ESRRB: variants seen among roughly 807,000 people sequenced by gnomAD.
The protein encoded by ESRRB is estrogen related receptor beta.
Under a neutral mutation model 46.0 loss-of-function variants are expected in ESRRB, and 16 were observed. That is an observed-to-expected ratio of 0.35 (90% CI 0.24 to 0.53). The LOEUF (loss-of-function observed/expected upper bound fraction) is 0.53, where lower values mean the gene tolerates loss of function less well. Among genes scored for constraint, ESRRB ranks in the 20% least tolerant of loss-of-function variants. The pLI, the probability that ESRRB is intolerant of heterozygous loss-of-function variation, is 0.93. For synonymous variants in ESRRB, 246 were observed against 259.6 expected (o/e 0.95, Z 0.50); for missense variants, 488 against 607.4 (o/e 0.80, Z 2.07).
upstream of ESRRB, among the ~76,000 whole-genome samples, chr14:76,369,918 T>C (rs560047610): frequency 6.6e-6 from 1 of 152,318 alleles, no homozygotes; most frequent in East Asian, 1.9e-4. Context: ...GACATGAAAA[T>C]GGAGGCATAA....
chr14:76,425,763 C>T (rs1158304444), intron 1 of ESRRB, among the ~76,000 whole-genome samples: 1 of 152,112 alleles, frequency 6.6e-6, no homozygotes, highest in Non-Finnish European at 1.5e-5. Flanking sequence ...GGCTGGAGTG[C>T]AGTGGTGTGA....
rs899461042 is a variant in ESRRB at position 76,482,100 on chromosome 14, A to G, written c.662A>G (p.Gln221Arg). The change falls in exon 4 of 7, where the codon CAA becomes CGA. Residue 221 changes from glutamine to arginine, a missense_variant. Gln to Arg is a conservative substitution (Grantham distance 43). Coordinates refer to ENST00000644823, the MANE Select transcript of ESRRB (RefSeq NM_001379180.1). This position sits in a 1 kb window ranked among gnomAD's most constrained non-coding sequence, Gnocchi z 4.3. ...GAGAGCAGCCCATACCTGAGCTTAC[A>G]AATTTCTCCACCTGCTAAAAAGCCA... is the stretch of plus-strand genomic sequence containing the variant. Reference protein sequence around the residue: ...DSESSPYLSLQISPPAKKPLT... With the variant: ...DSESSPYLSLRISPPAKKPLT... The G allele has an allele frequency of 6.2e-7, 1 of 1,614,174 alleles. No individual in the cohort carries two copies. Among genetic ancestry groups the G allele is most frequent in the Non-Finnish European group, 8.5e-7 (1 of 1,180,010 alleles).
rs372713430 is a variant in ESRRB, at chr14:76,358,936, G to A, written c.2+48020G>A. Among the ~76,000 whole-genome samples, 79 of 152,262 alleles carry A rather than the reference G, an allele frequency of 5.2e-4. 2 individuals carry two copies. The South Asian group carries it at 0.016, about 30-fold the overall frequency. On this transcript the variant is annotated intron_variant, in intron 1 of 6. Coordinates refer to the ESRRB transcript ENST00000512784. ...AAACACAGATTGCTGGTCCCCACCC[G>A]GCAAGTCTGTGGTGGGACCCGAGAA...
rs570161346 is a variant in ESRRB at position 76,396,858 on chromosome 14, C to T, written c.50+20407C>T. 2.0e-5 allele frequency among the ~76,000 whole-genome samples: 3 copies of T among 152,340 alleles called. No homozygotes were observed. The South Asian group carries it at 6.2e-4, about 32-fold the overall frequency. The stretch of plus-strand genomic sequence containing the variant: ...CTGGGTTGGCAAGGGTTGGCCTCAC[C>T]ACTAGATTCTCTCTCCACTTCACGC... On this transcript the variant is annotated intron_variant, in intron 1 of 6. Transcript: ENST00000644823.
intron 5 of ESRRB, among the ~76,000 whole-genome samples, chr14:76,486,208 G>A (rs973086582): frequency 5.3e-5 from 8 of 152,180 alleles, no homozygotes; most frequent in Non-Finnish European, 1.2e-4. Context: ...ATGAATTGCA[G>A]CCTCCTCCAA....
upstream of ESRRB, among the ~76,000 whole-genome samples, chr14:76,374,641 A>G (rs1884702312): frequency 6.6e-6 from 1 of 152,148 alleles, no homozygotes; most frequent in Non-Finnish European, 1.5e-5. Context: ...GTGAGAGATG[A>G]TGGTCATATA....
intron 2 of ESRRB, among the ~76,000 whole-genome samples, 185 bp downstream of exon 2, chr14:76,439,935 CTGT>C (rs1887848843): frequency 1.3e-5 from 2 of 152,152 alleles, no homozygotes; most frequent in South Asian, 2.1e-4. Flanking sequence ...AGCTGCAAGA[CTGT>C]TGTTGAGATG....
intron 2 of ESRRB, among the ~76,000 whole-genome samples, chr14:76,441,893 C>T (rs1054693440): frequency 6.6e-6 from 1 of 152,228 alleles, no homozygotes; most frequent in Non-Finnish European, 1.5e-5. Context: ...CCAGAATGTA[C>T]CTACCCCATT....
intron 1 of ESRRB, among the ~76,000 whole-genome samples, chr14:76,353,273 C>T (rs991101860): frequency 1.3e-5 from 2 of 152,210 alleles, no homozygotes; most frequent in Non-Finnish European, 2.9e-5. Context: ...AGCTAGGAGA[C>T]AGCTGTTTTT....
At chr14:76,395,842 T>TA (rs1186869448) in intron 1 of ESRRB, among the ~76,000 whole-genome samples, 1 of 113,846 alleles carries the variant, frequency 8.8e-6, no homozygotes, top group East Asian at 3.0e-4. Flanking sequence ...ACTTGGTACT[T>TA]GGGGTGGGGG....
At chr14:76,485,825 AGTG>A (rs964045286) in intron 5 of ESRRB, among the ~76,000 whole-genome samples, 1 of 152,214 alleles carries the variant, frequency 6.6e-6, no homozygotes, top group African/African-American at 2.4e-5. Flanking sequence ...AATTTAGGCC[AGTG>A]TCCTTAAACG....
chr14:76,437,683 C>T (rs1887733130), intron 1 of ESRRB, among the ~76,000 whole-genome samples: 2 of 152,274 alleles, frequency 1.3e-5, no homozygotes, highest in Admixed American at 1.3e-4. Context: ...AGATCAACAC[C>T]ACCCAGGCCA....
chr14:76,462,128 T>C (rs11851228), intron 2 of ESRRB, among the ~76,000 whole-genome samples: 52,173 of 151,992 alleles, frequency 0.34, 10,625 homozygotes, highest in African/African-American at 0.57. Context: ...TTTTCCCACA[T>C]GTTGGGGTCC....
intron 3 of ESRRB, among the ~76,000 whole-genome samples, chr14:76,475,045 A>G (rs56026605): frequency 0.1 from 15,212 of 152,096 alleles, 925 homozygotes; most frequent in Middle Eastern, 0.19. Flanking sequence ...CCTGGGCAAC[A>G]TAGTGAGACC....
chr14:76,500,842 T>C lies in ESRRB; in HGVS notation c.*2384T>C. The stretch of plus-strand genomic sequence containing the variant: ...TAGCAGAGTGGGGCGGAAGTCCTGA[T>C]GGTTGGTGTCCATGAGGTGGAAGCT... On this transcript the variant is annotated 3_prime_UTR_variant, in exon 7 of 7. Transcript: ENST00000644823. 1.8e-6 allele frequency: 2 copies of C among 1,081,332 alleles called. No individual in the cohort carries two copies. Among genetic ancestry groups the C allele is most frequent in the East Asian group, 2.4e-5 (1 of 42,376 alleles). The allele number at this position is 1,081,332 out of a possible 1,614,324, so 67.0% of individuals were successfully genotyped here.
rs116583454 is a variant in ESRRB, at chr14:76,350,048, G to A, written c.2+39132G>A. ...AGTATTCTTTTAGTGAGTGATACTG[G>A]AGCGTTCTTTTCTTCCTCTACTCCC... is the stretch of plus-strand genomic sequence containing the variant. On this transcript the variant is annotated intron_variant, in intron 1 of 6. Transcript: ENST00000512784. Among the ~76,000 whole-genome samples, 1,072 of 152,194 alleles carry A rather than the reference G, an allele frequency of 7.0e-3. 15 individuals carry two copies. The highest frequency in any genetic ancestry group is 0.025 in the African/African-American group (1,027 of 41,530).
chr14:76,473,895 A>G (rs1210594613), intron 3 of ESRRB, among the ~76,000 whole-genome samples: 1 of 152,226 alleles, frequency 6.6e-6, no homozygotes, highest in Non-Finnish European at 1.5e-5. Context: ...TTTCTGTCCC[A>G]GAGTGGCCCC....
chr14:76,387,491 G>A (rs1269689171), intron 1 of ESRRB, among the ~76,000 whole-genome samples: 1 of 152,190 alleles, frequency 6.6e-6, no homozygotes, highest in African/African-American at 2.4e-5. Flanking sequence ...TTAGAAAGCA[G>A]CTCTGGTTTT....
chr14:76,438,533 G>A (rs556078788), intron 1 of ESRRB, among the ~76,000 whole-genome samples: 7 of 152,154 alleles, frequency 4.6e-5, no homozygotes, highest in East Asian at 1.9e-4. Flanking sequence ...GCATGACGGC[G>A]GGTGCCTGTA....
Sources: allele counts gnomAD v4.1 joint callset (sites outside exome capture counted in the v4.1 genomes callset), GRCh38; gene constraint gnomAD v4.1.1; non-coding constraint Gnocchi (gnomAD v3.1); transcripts MANE v1.5; gene names NCBI Gene and HGNC (gene_info 2026-07-23, HGNC 2026-07-21).